The following PDE3B variants were observed in gnomAD, a reference collection of about 807,000 sequenced individuals.
PDE3B encodes phosphodiesterase 3B.
PDE3B carries 66 observed loss-of-function variants against 116.8 expected under a neutral mutation model. The ratio of observed to expected loss-of-function variants is 0.56; its 90% confidence interval spans 0.46 to 0.69. PDE3B has a LOEUF of 0.69. Ranked by LOEUF, PDE3B falls within the 30% of genes least tolerant of loss-of-function variation. The pLI, the probability that PDE3B is intolerant of heterozygous loss-of-function variation, is 0.00. For synonymous variants in PDE3B, 595 were observed against 533.6 expected, an observed-to-expected ratio of 1.12 and a Z score of -1.59; for missense variants, 1,384 against 1,368.1, an observed-to-expected ratio of 1.01 and a Z score of -0.18.
At chr11:14,753,205 A>C (rs568178524) in intron 1 of PDE3B, among the ~76,000 whole-genome samples, 1 of 152,138 alleles carries the variant, frequency 6.6e-6, no homozygotes, top group Non-Finnish European at 1.5e-5. Flanking sequence ...TGATTTTACA[A>C]TTACAAGCAT....
intron 4 of PDE3B, among the ~76,000 whole-genome samples, chr11:14,793,125 G>T (rs961516295): frequency 1.3e-5 from 2 of 152,088 alleles, no homozygotes; most frequent in Non-Finnish European, 2.9e-5. Context: ...TTTCAGATCT[G>T]GGATGAGATT....
chr11:14,674,724 A>G (rs1227918785), intron 1 of PDE3B, among the ~76,000 whole-genome samples: 3 of 152,218 alleles, frequency 2.0e-5, no homozygotes, highest in Non-Finnish European at 1.5e-5. Context: ...TAGGAAAAAT[A>G]TTGAACTTCT....
At chr11:14,886,001 G>C in the PDE3B span, 1 of 1,334,068 alleles carries the variant, frequency 7.5e-7, no homozygotes, top group South Asian at 1.2e-5. Flanking sequence ...TGGTAAGTGC[G>C]GCTCTTCCAG....
intron 5 of PDE3B, among the ~76,000 whole-genome samples, chr11:14,811,228 C>T (rs1388808713): frequency 1.3e-5 from 2 of 152,018 alleles, no homozygotes; most frequent in Non-Finnish European, 2.9e-5. Context: ...GTGTTTTAGA[C>T]ATGAAGTCCT....
chr11:14,675,772 A>ATTTG (rs757713729), intron 1 of PDE3B, among the ~76,000 whole-genome samples: 2 of 152,074 alleles, frequency 1.3e-5, no homozygotes, highest in Non-Finnish European at 2.9e-5. Flanking sequence ...TTCTGTCACA[A>ATTTG]TTTGTTTATA....
rs899879631 is a variant in PDE3B, at chr11:14,764,009, C to T, written c.979-7928C>T. 1.3e-5 allele frequency among the ~76,000 whole-genome samples: 2 copies of T among 152,030 alleles called. 1 individual carries two copies. Among genetic ancestry groups the T allele is most frequent in the South Asian group, 4.1e-4 (2 of 4,824 alleles). On this transcript the variant is annotated intron_variant, in intron 1 of 15. Transcript: ENST00000282096. ...TAAAAACACTTTAATGAAGAGTCTA[C>T]TTTGAGAGAATGAACAGAGTTAAGG...
At chr11:14,765,144 A>G (rs1233856767) in intron 1 of PDE3B, among the ~76,000 whole-genome samples, 2 of 152,050 alleles carry the variant, frequency 1.3e-5, no homozygotes, top group African/African-American at 4.8e-5. Context: ...AGATTTATAT[A>G]TGAAGCTCAA....
chr11:14,751,956 T>C (rs887182428), intron 1 of PDE3B, among the ~76,000 whole-genome samples: 1 of 152,098 alleles, frequency 6.6e-6, no homozygotes, highest in Non-Finnish European at 1.5e-5. Context: ...GGAAAGATGG[T>C]GAATGCATCT....
At chr11:14,804,173 G>T in intron 5 of PDE3B, 123 bp downstream of exon 5, 1 of 607,812 alleles carries the variant, frequency 1.6e-6, no homozygotes, top group African/African-American at 1.8e-5. Context: ...AAGTTAACAT[G>T]ACTTAGCAGT....
At chr11:14,655,280 A>T (rs1389368581) in intron 1 of PDE3B, among the ~76,000 whole-genome samples, 1 of 152,192 alleles carries the variant, frequency 6.6e-6, no homozygotes, top group Non-Finnish European at 1.5e-5. Flanking sequence ...CACCAAGAAG[A>T]TAAAATTTAA....
the PDE3B span, chr11:14,891,586 G>A: frequency 2.9e-6 from 3 of 1,041,898 alleles, no homozygotes; most frequent in East Asian, 2.9e-4. Context: ...GCCGCGTGCA[G>A]CTTCCACAGA....
intron 1 of PDE3B, among the ~76,000 whole-genome samples, chr11:14,693,912 A>G (rs1311788548): frequency 1.3e-5 from 2 of 152,184 alleles, no homozygotes; most frequent in African/African-American, 4.8e-5. Context: ...GAAAGGATTG[A>G]CCATTCTAGA....
chr11:14,661,122 G>A (rs546427101), intron 1 of PDE3B, among the ~76,000 whole-genome samples: 1 of 152,264 alleles, frequency 6.6e-6, no homozygotes, highest in East Asian at 1.9e-4. Context: ...GATTCCTCAG[G>A]GATCTAGAAC....
Position 14,786,508 on chromosome 11 carries a change from G to A in PDE3B, c.1101G>A (p.Leu367=), listed in dbSNP as rs1318512204. The change falls in exon 3 of 16, where the codon CTG becomes CTA. Residue 367 remains leucine, a synonymous_variant. Coordinates refer to ENST00000282096, the MANE Select transcript of PDE3B (RefSeq NM_000922.4). The part of the protein sequence containing the change: ...NEARNMVSDL[L]TDPSLPPQVI... The stretch of plus-strand genomic sequence containing the variant: ...CTCGCAATATGGTGTCAGATCTTCT[G>A]ACTGATCCAAGCCTTCCACCACAAG... 6.2e-7 allele frequency: 1 copy of A among 1,612,796 alleles called. No individual in the cohort carries two copies. The highest frequency in any genetic ancestry group is 2.2e-5 in the East Asian group (1 of 44,836).
At chr11:14,728,113 A>G in intron 1 of PDE3B, among the ~76,000 whole-genome samples, 1 of 152,096 alleles carries the variant, frequency 6.6e-6, no homozygotes, top group East Asian at 1.9e-4. Context: ...ATGGTTTGTT[A>G]TAAATAATAT....
At chr11:14,853,466 C>CCTT (rs2133984592) in intron 12 of PDE3B, among the ~76,000 whole-genome samples, 1 of 152,152 alleles carries the variant, frequency 6.6e-6, no homozygotes, top group Admixed American at 6.5e-5. Flanking sequence ...TCTGTGCTTC[C>CCTT]CAAAGTAACG....
At chr11:14,876,384 G>T (rs1376644355), downstream of PDE3B, among the ~76,000 whole-genome samples, 1 of 152,096 alleles carries the variant, frequency 6.6e-6, no homozygotes, top group Non-Finnish European at 1.5e-5. Context: ...AAGAAGGTAG[G>T]TTGGAAAGTT....
At chr11:14,722,250 T>G (rs1363357839) in intron 1 of PDE3B, among the ~76,000 whole-genome samples, 1 of 151,934 alleles carries the variant, frequency 6.6e-6, no homozygotes, top group Admixed American at 6.6e-5. Flanking sequence ...ACATGGCACA[T>G]GTATACATAT....
intron 1 of PDE3B, among the ~76,000 whole-genome samples, chr11:14,694,008 A>G (rs1019851189): frequency 1.3e-5 from 2 of 152,160 alleles, no homozygotes; most frequent in Admixed American, 1.3e-4. Context: ...TCCAGCCCTC[A>G]TGAGTGACTT....
Sources: gnomAD v4.1 joint callset for allele counts (sites outside exome capture counted in the v4.1 genomes callset) on GRCh38, gnomAD v4.1.1 for gene constraint, MANE v1.5 for transcripts, NCBI Gene and HGNC (gene_info 2026-07-23, HGNC 2026-07-21) for gene names.